FOXP1: variants seen among roughly 807,000 people sequenced by gnomAD.
FOXP1 encodes the protein forkhead box P1.
In FOXP1, 15 loss-of-function variants were observed where a neutral mutation model predicts 98.2. That is an observed-to-expected ratio of 0.15 (90% CI 0.10 to 0.24). FOXP1 has a LOEUF of 0.24. Ranked by LOEUF, FOXP1 falls within the 10% of genes least tolerant of loss-of-function variation. The pLI, the probability that FOXP1 is intolerant of heterozygous loss-of-function variation, is 1.00. For synonymous variants in FOXP1, 371 were observed against 314.5 expected (o/e 1.18, Z -1.90); for missense variants, 633 against 848.5 (o/e 0.75, Z 3.15).
chr3:71,278,768 C>T lies in FOXP1; in HGVS notation c.-12+21052G>A, dbSNP rs141354091. Among the ~76,000 whole-genome samples, 621 of 151,500 alleles carry T rather than the reference C, an allele frequency of 4.1e-3. 5 individuals are homozygous for T. Among genetic ancestry groups the T allele is most frequent in the African/African-American group, 0.015 (599 of 41,306 alleles). ...CTGTACTCCAGCCTGGGCGACAGAG[C>T]GAGACTCCATCTCGAAAACAAACAA... On this transcript the variant is annotated intron_variant, in intron 5 of 20. Coordinates refer to ENST00000649528, the MANE Select transcript of FOXP1 (RefSeq NM_001349338.3).
At position 70,955,365 on chromosome 3, in the gene FOXP1, T is replaced by C. The variant is rs556427727; in HGVS notation, c.*3882A>G. On this transcript the variant is annotated 3_prime_UTR_variant, in exon 21 of 21. Transcript: ENST00000649528. ...AGGACTGGTGGTAACTCTTCACGTA[T>C]GTACATAAGCCTTGATATTCCATTT... The C allele has an allele frequency of 4.3e-6, 1 of 233,006 alleles. No homozygotes were observed. The highest frequency in any genetic ancestry group is 1.8e-4 in the South Asian group (1 of 5,516). 14.4% of individuals were successfully genotyped at this position (233,006 alleles called of 1,614,324 possible).
At chr3:71,437,591 GTCTC>G (rs1305457098) in intron 3 of FOXP1, among the ~76,000 whole-genome samples, 1 of 152,116 alleles carries the variant, frequency 6.6e-6, no homozygotes, top group African/African-American at 2.4e-5. Context: ...AACACCCCAG[GTCTC>G]TCTGAGTGTT....
rs183070661 is a variant in FOXP1, at chr3:71,013,493, T to G, written c.974+2056A>C. The stretch of plus-strand genomic sequence containing the variant: ...AACTACAAACCACTGCTCAATGAAA[T>G]AAAAGAGGATACAAACAAATGGAAG... On this transcript the variant is annotated intron_variant, in intron 12 of 20. Coordinates refer to ENST00000649528, the MANE Select transcript of FOXP1 (RefSeq NM_001349338.3). Among the ~76,000 whole-genome samples the G allele has an allele frequency of 1.4e-4, 21 of 152,100 alleles. No homozygotes were observed. In the East Asian group the frequency reaches 4.1e-3, roughly 29 times the overall value.
At chr3:71,001,151 G>C (rs536469016) in intron 12 of FOXP1, 92 bp from the exon 13 acceptor site, 1 of 943,708 alleles carries the variant, frequency 1.1e-6, no homozygotes, top group Admixed American at 1.8e-5. Flanking sequence ...ACTAGGCAGC[G>C]GGTCTAGCTC....
At chr3:71,207,081 G>A (rs142946694) in intron 5 of FOXP1, among the ~76,000 whole-genome samples, 1 of 152,260 alleles carries the variant, frequency 6.6e-6, no homozygotes, top group East Asian at 1.9e-4. Flanking sequence ...GATGGGGCCA[G>A]GTGTTCTGGG....
chr3:71,494,225 A>G (rs1039116765), intron 2 of FOXP1, among the ~76,000 whole-genome samples: 3 of 152,184 alleles, frequency 2.0e-5, no homozygotes, highest in Admixed American at 1.3e-4. Flanking sequence ...GCCATTTATC[A>G]TCTCGATTCC....
At chr3:71,349,572 T>G (rs1166771804) in intron 4 of FOXP1, among the ~76,000 whole-genome samples, 1 of 152,138 alleles carries the variant, frequency 6.6e-6, no homozygotes, top group Non-Finnish European at 1.5e-5. Context: ...CATGTGAAAT[T>G]AAAGTTTTTT....
intron 4 of FOXP1, among the ~76,000 whole-genome samples, chr3:71,336,837 G>C (rs948783535): frequency 1.3e-5 from 2 of 152,176 alleles, no homozygotes; most frequent in Admixed American, 1.3e-4. Context: ...GATCAAACAT[G>C]AGCCTCTGGA....
At chr3:71,365,162 C>A (rs1452918284) in intron 3 of FOXP1, among the ~76,000 whole-genome samples, 7 of 152,194 alleles carry the variant, frequency 4.6e-5, no homozygotes, top group African/African-American at 9.7e-5. Context: ...TGACACATAA[C>A]ACATTAAAAT....
chr3:71,094,745 G>A (rs977124857), intron 7 of FOXP1, among the ~76,000 whole-genome samples: 1 of 152,156 alleles, frequency 6.6e-6, no homozygotes, highest in Non-Finnish European at 1.5e-5. Flanking sequence ...CCAACCAGGA[G>A]CCACACCAGG....
At chr3:71,300,078 T>C (rs897877510) in intron 4 of FOXP1, among the ~76,000 whole-genome samples, 198 bp from the exon 5 acceptor site, 1 of 152,210 alleles carries the variant, frequency 6.6e-6, no homozygotes, top group Non-Finnish European at 1.5e-5. Context: ...GACAACAAAA[T>C]TGACTTGGTG....
chr3:71,031,984 C>T (rs1003015847), intron 11 of FOXP1, among the ~76,000 whole-genome samples: 1 of 152,214 alleles, frequency 6.6e-6, no homozygotes, highest in African/African-American at 2.4e-5. Flanking sequence ...GGAAAGGAAG[C>T]CAGCAAGGCT....
chr3:71,157,803 G>A (rs2060898576), intron 6 of FOXP1, among the ~76,000 whole-genome samples: 2 of 152,110 alleles, frequency 1.3e-5, no homozygotes, highest in Admixed American at 1.3e-4. Context: ...AGTGTGGAGG[G>A]AGGCCAGGAG....
intron 7 of FOXP1, among the ~76,000 whole-genome samples, chr3:71,072,475 C>G (rs1276529009): frequency 6.6e-6 from 1 of 152,132 alleles, no homozygotes; most frequent in African/African-American, 2.4e-5. Context: ...GGAAACAACC[C>G]AAAACGTTTA....
chr3:71,117,540 G>T (rs1319079459), intron 6 of FOXP1, among the ~76,000 whole-genome samples: 1 of 152,170 alleles, frequency 6.6e-6, no homozygotes, highest in Non-Finnish European at 1.5e-5. Flanking sequence ...ATATGTGTTT[G>T]TGTGTATGGG....
chr3:71,346,397 C>G (rs571317687), intron 4 of FOXP1, among the ~76,000 whole-genome samples: 4 of 152,246 alleles, frequency 2.6e-5, no homozygotes, highest in South Asian at 4.1e-4. Flanking sequence ...GCATTTTTTT[C>G]ACTGAGCAAA....
intron 4 of FOXP1, among the ~76,000 whole-genome samples, chr3:71,320,619 T>C (rs1473862300): frequency 6.6e-6 from 1 of 152,186 alleles, no homozygotes; most frequent in Non-Finnish European, 1.5e-5. Context: ...GACTCCATTT[T>C]ATTATAATGG....
chr3:71,125,951 A>G (rs1048222890), intron 6 of FOXP1, among the ~76,000 whole-genome samples: 4 of 152,224 alleles, frequency 2.6e-5, no homozygotes, highest in African/African-American at 9.6e-5. Flanking sequence ...TTCTTCAATA[A>G]GAATGGGAGG....
In FOXP1 at chr3:70,956,466, G is replaced by A. The variant is rs1219989559; in HGVS notation, c.*2781C>T. On this transcript the variant is annotated 3_prime_UTR_variant, in exon 21 of 21. Coordinates refer to ENST00000649528, the MANE Select transcript of FOXP1 (RefSeq NM_001349338.3). ...TTTAGACTAAGCATGCAAGACATACGACTAAGTGCAACTGAGTGAAATGTT... is the reference window on the plus strand; with the variant it reads ...TTTAGACTAAGCATGCAAGACATACAACTAAGTGCAACTGAGTGAAATGTT... 2 of 219,316 alleles carry A rather than the reference G, an allele frequency of 9.1e-6. No homozygotes were observed. The highest frequency in any genetic ancestry group is 1.8e-5 in the Non-Finnish European group (2 of 111,780). 13.6% of individuals were successfully genotyped at this position (219,316 alleles called of 1,614,324 possible).
Sources: gnomAD v4.1 joint callset for allele counts (sites outside exome capture counted in the v4.1 genomes callset) on GRCh38, gnomAD v4.1.1 for gene constraint, MANE v1.5 for transcripts, NCBI Gene and HGNC (gene_info 2026-07-23, HGNC 2026-07-21) for gene names.